FBXO22: variants seen among roughly 807,000 people sequenced by gnomAD.
The protein encoded by FBXO22 is F-box protein 22.
FBXO22 carries 13 observed loss-of-function variants against 37.2 expected under a neutral mutation model. The observed-to-expected ratio is 0.35, with a 90% confidence interval of 0.23 to 0.56. The LOEUF (loss-of-function observed/expected upper bound fraction) is 0.56. FBXO22 is among the 20% of genes least tolerant of loss of function. The probability of loss-of-function intolerance (pLI) is 0.87; values close to 1 mark genes in which losing one functional copy is unlikely to be tolerated. For synonymous variants in FBXO22, 189 were observed against 189.1 expected (o/e 1.00, Z 0.00); for missense variants, 446 against 509.9 (o/e 0.87, Z 1.21).
chr15:75,913,224 A>G lies in FBXO22; in HGVS notation c.301A>G (p.Thr101Ala). The change falls in exon 3 of 7, where the codon ACA becomes GCA. Residue 101 changes from threonine (T) to alanine (A), a missense_variant. Physicochemically the swap from Thr to Ala is moderately conservative, Grantham distance 58. Transcript: ENST00000308275. Reference protein sequence around the residue: ...ELENVRILPHTVLYMADSETF... With the variant: ...ELENVRILPHAVLYMADSETF... ...GCAGAATGTTCGCATCTTACCACATACAGTTCTTTACATGGCTGATTCAGA... is the reference window on the plus strand; with the variant it reads ...GCAGAATGTTCGCATCTTACCACATGCAGTTCTTTACATGGCTGATTCAGA... 6.2e-7 allele frequency: 1 copy of G among 1,610,126 alleles called. No homozygotes were observed. Among genetic ancestry groups the G allele is most frequent in the Non-Finnish European group, 8.5e-7 (1 of 1,179,232 alleles).
intron 6 of FBXO22, among the ~76,000 whole-genome samples, chr15:75,932,223 A>G (rs1595919929): frequency 2.6e-5 from 4 of 152,210 alleles, no homozygotes; most frequent in Admixed American, 1.3e-4. Context: ...AAAAAATAAA[A>G]TCACCCTCCA....
intron 1 of FBXO22, 83 bp from the exon 2 acceptor site, chr15:75,904,408 C>T (rs916753271): frequency 1.3e-6 from 2 of 1,588,518 alleles, no homozygotes; most frequent in East Asian, 4.5e-5. Flanking sequence ...CCTGCTGCTG[C>T]GCCAGCGGGT....
chr15:75,915,061 G>C (rs1261767093), intron 4 of FBXO22, among the ~76,000 whole-genome samples: 1 of 152,184 alleles, frequency 6.6e-6, no homozygotes, highest in Non-Finnish European at 1.5e-5. Flanking sequence ...TCTGCCTCCT[G>C]GATTCAAGCA....
chr15:75,912,023 G>A (rs1023819697), intron 2 of FBXO22, among the ~76,000 whole-genome samples: 2 of 151,292 alleles, frequency 1.3e-5, no homozygotes, highest in South Asian at 2.1e-4. Flanking sequence ...TGAGATACTC[G>A]TGGTTTTTGT....
At chr15:75,930,400 G>GT (rs1351603588) in intron 6 of FBXO22, 1 of 1,107,594 alleles carries the variant, frequency 9.0e-7, no homozygotes, top group Non-Finnish European at 1.1e-6. Context: ...TGGTTAGAGT[G>GT]TATCTTTATG....
At position 75,941,940 on chromosome 15, in the gene FBXO22, CAAAAAAA is replaced by C. The variant is rs780414439; in HGVS notation, c.*8853_*8859del. Reference sequence around the variant, plus strand: ...TTGCCACAGTAAATTTTTAAACCACCAAAAAAAAAAAAAAAAAAAAATATGGCCTAGC... The same window carrying C: ...TTGCCACAGTAAATTTTTAAACCACCAAAAAAAAAAAAAATATGGCCTAGC... On this transcript the variant is annotated 3_prime_UTR_variant, in exon 7 of 7. Transcript: ENST00000308275. 2 of 24,848 alleles carry C rather than the reference CAAAAAAA, an allele frequency of 8.0e-5. No individual in the cohort carries two copies. The highest frequency in any genetic ancestry group is 2.2e-4 in the African/African-American group (2 of 9,078). 1.5% of individuals were successfully genotyped at this position (24,848 alleles called of 1,614,324 possible). A position where few individuals can be genotyped will look rare whatever the true frequency, so the allele number is the denominator to read the frequency against.
At position 75,941,972 on chromosome 15, in the gene FBXO22, C is replaced by CTTT. The variant is rs773623772; in HGVS notation, c.*8884_*8886dup. On this transcript the variant is annotated 3_prime_UTR_variant, in exon 7 of 7. Transcript: ENST00000308275. ...AAAAAAAAAAAAAAATATGGCCTAG[C>CTTT]TTTTTTTTTTTTTTTTAAAAAGGGC... 7.4e-5 allele frequency: 8 copies of CTTT among 107,556 alleles called. 1 individual carries two copies. Among genetic ancestry groups the CTTT allele is most frequent in the African/African-American group, 2.7e-4 (8 of 29,160 alleles). 6.7% of individuals were successfully genotyped at this position (107,556 alleles called of 1,614,324 possible).
At chr15:75,931,338 T>G (rs1248870919) in intron 6 of FBXO22, among the ~76,000 whole-genome samples, 2 of 152,150 alleles carry the variant, frequency 1.3e-5, no homozygotes, top group Admixed American at 1.3e-4. Flanking sequence ...TCATACTCTG[T>G]CAGTGGTTAA....
rs74664624 is a variant in FBXO22, at chr15:75,904,625, T to G, written c.275T>G (p.Leu92Arg). 6.2e-7 allele frequency: 1 copy of G among 1,604,328 alleles called. No homozygotes were observed. Among genetic ancestry groups the G allele is most frequent in the Non-Finnish European group, 8.5e-7 (1 of 1,173,748 alleles). Residue 92 changes from leucine to arginine, a missense_variant, in exon 2 of 7, where the codon CTT becomes CGT. Physicochemically the swap from Leu to Arg is moderately radical, Grantham distance 102. Coordinates refer to ENST00000308275, the MANE Select transcript of FBXO22 (RefSeq NM_147188.3). The part of the protein sequence containing the change: ...HCLVRVVAEE[L>R]ENVRILPHTV... ...TTGGTTCGCGTGGTAGCAGAGGAGCTTGAGGCAAGTAGCAAGGGGTGTCAT... is the reference window on the plus strand; with the variant it reads ...TTGGTTCGCGTGGTAGCAGAGGAGCGTGAGGCAAGTAGCAAGGGGTGTCAT...
intron 1 of FBXO22, 163 bp from the exon 2 acceptor site, chr15:75,904,328 G>C (rs1899870333): frequency 2.6e-6 from 3 of 1,165,202 alleles, no homozygotes; most frequent in Middle Eastern, 2.9e-4. Context: ...TCCATATCTG[G>C]CTCTTCTTCC....
intron 4 of FBXO22, among the ~76,000 whole-genome samples, chr15:75,914,417 T>C (rs532673117): frequency 5.3e-5 from 8 of 152,218 alleles, no homozygotes; most frequent in Non-Finnish European, 7.3e-5. Context: ...TGTATAAATA[T>C]CCAGTAGTCA....
rs559798044 is a variant in FBXO22 at position 75,932,322 on chromosome 15, G to A, written c.795-363G>A. Among the ~76,000 whole-genome samples the A allele has an allele frequency of 2.6e-5, 4 of 152,292 alleles. No homozygotes were observed. In the East Asian group the frequency reaches 5.8e-4, roughly 22 times the overall value. On this transcript the variant is annotated intron_variant, in intron 6 of 6. Transcript: ENST00000308275. ...AATGTAAACAATAGCAGAAGGCTTCGTTTAGTGGATATCTTTGTGTATATT... is the reference window on the plus strand; with the variant it reads ...AATGTAAACAATAGCAGAAGGCTTCATTTAGTGGATATCTTTGTGTATATT...
At chr15:75,905,115 G>A (rs542585015) in intron 2 of FBXO22, among the ~76,000 whole-genome samples, 5 of 152,068 alleles carry the variant, frequency 3.3e-5, no homozygotes, top group Admixed American at 6.5e-5. Flanking sequence ...GAGCCACCGC[G>A]CCCGGCATGT....
chr15:75,937,990 A>G lies in FBXO22; in HGVS notation c.*4888A>G, dbSNP rs1567061145. 1 of 152,250 alleles carries G rather than the reference A, an allele frequency of 6.6e-6. No homozygotes were observed. The highest frequency in any genetic ancestry group is 1.5e-5 in the Non-Finnish European group (1 of 68,072). 9.4% of individuals were successfully genotyped at this position (152,250 alleles called of 1,614,324 possible). ...AGTTACATATACAGGGGGGATTTAA[A>G]ATGCGACATGCATGCCCAGGGAAAA... On this transcript the variant is annotated 3_prime_UTR_variant, in exon 7 of 7. Coordinates refer to ENST00000308275, the MANE Select transcript of FBXO22 (RefSeq NM_147188.3).
Position 75,937,875 on chromosome 15 carries a change from CATGGGGCAAGAGGTT to C in FBXO22, c.*4779_*4793del, listed in dbSNP as rs67818048. 0.46 allele frequency: 69,752 copies of C among 151,750 alleles called. 16,783 individuals carry two copies. The highest frequency in any genetic ancestry group is 0.7 in the South Asian group (3,362 of 4,810). 9.4% of individuals were successfully genotyped at this position (151,750 alleles called of 1,614,324 possible). A position where few individuals can be genotyped will look rare whatever the true frequency, so the allele number is the denominator to read the frequency against. ...CAAAAGCTGCAAAGAACCACAGGTGCATGGGGCAAGAGGTTATGGGTGTAAACATAAAATAGAACA... is the reference window on the plus strand; with the variant it reads ...CAAAAGCTGCAAAGAACCACAGGTGCATGGGTGTAAACATAAAATAGAACA... On this transcript the variant is annotated 3_prime_UTR_variant, in exon 7 of 7. Transcript: ENST00000308275.
At chr15:75,909,268 G>A (rs1256184331) in intron 2 of FBXO22, among the ~76,000 whole-genome samples, 1 of 152,192 alleles carries the variant, frequency 6.6e-6, no homozygotes, top group Non-Finnish European at 1.5e-5. Context: ...TACTGAGGGA[G>A]TTTAGGAAAA....
At chr15:75,910,416 C>T (rs2141704810) in intron 2 of FBXO22, 1 of 152,372 alleles carries the variant, frequency 6.6e-6, no homozygotes, top group East Asian at 1.9e-4. Context: ...TCTCCACATC[C>T]TCTCCAGCAT....
In FBXO22 at chr15:75,941,669, T is replaced by A. The variant is rs2030969629; in HGVS notation, c.*8567T>A. On this transcript the variant is annotated 3_prime_UTR_variant, in exon 7 of 7. Coordinates refer to ENST00000308275, the MANE Select transcript of FBXO22 (RefSeq NM_147188.3). ...AGTAAATCACAAAAGGACAATACTA[T>A]ATGAATCCACTGATGTGAGGTACCT... The A allele has an allele frequency of 6.6e-6, 1 of 152,152 alleles. No individual in the cohort carries two copies. Among genetic ancestry groups the A allele is most frequent in the Non-Finnish European group, 1.5e-5 (1 of 68,004 alleles). 9.4% of individuals were successfully genotyped at this position (152,152 alleles called of 1,614,324 possible). A position where few individuals can be genotyped will look rare whatever the true frequency, so the allele number is the denominator to read the frequency against.
chr15:75,911,819 A>G (rs889570519), intron 2 of FBXO22, among the ~76,000 whole-genome samples: 5 of 150,506 alleles, frequency 3.3e-5, no homozygotes, highest in African/African-American at 9.8e-5. Context: ...GAATGGTGAG[A>G]GAGGGCATCT....
Sources: allele counts gnomAD v4.1 joint callset (sites outside exome capture counted in the v4.1 genomes callset), GRCh38; gene constraint gnomAD v4.1.1; transcripts MANE v1.5; gene names NCBI Gene and HGNC (gene_info 2026-07-23, HGNC 2026-07-21).